Variants in DIAPH2 observed in about 807,000 individuals in gnomAD.
The protein encoded by DIAPH2 is protein diaphanous homolog 2.
Under a neutral mutation model 92.7 loss-of-function variants are expected in DIAPH2, and 35 were observed. That is an observed-to-expected ratio of 0.38 (90% CI 0.29 to 0.50). The LOEUF (loss-of-function observed/expected upper bound fraction) is 0.50, where lower values mean the gene tolerates loss of function less well. Among genes scored for constraint, DIAPH2 ranks in the 20% least tolerant of loss-of-function variants. DIAPH2 has a pLI of 0.94. For missense variants in DIAPH2, 701 were observed against 819.5 expected (o/e 0.86, Z 1.77); for synonymous variants, 301 against 280.4 (o/e 1.07, Z -0.73).
At chrX:97,542,486 G>T (rs2071147535) in intron 26 of DIAPH2, among the ~76,000 whole-genome samples, 1 of 112,331 alleles carries the variant, frequency 8.9e-6, no homozygotes, top group South Asian at 3.7e-4. Flanking sequence ...TATCAACATA[G>T]GTTTGATCAT....
intron 9 of DIAPH2, among the ~76,000 whole-genome samples, chrX:96,926,217 T>C (rs937098341): frequency 1.4e-4 from 16 of 111,497 alleles, no homozygotes; most frequent in African/African-American, 5.2e-4. Flanking sequence ...TTAAAGTCAG[T>C]AAAAGGTTCT....
At chrX:97,494,486 T>C (rs1329045066) in intron 26 of DIAPH2, among the ~76,000 whole-genome samples, 1 of 112,005 alleles carries the variant, frequency 8.9e-6, no homozygotes, top group Non-Finnish European at 1.9e-5. Flanking sequence ...AGATCTCCAT[T>C]TCTTTAGAGT....
intron 4 of DIAPH2, among the ~76,000 whole-genome samples, chrX:96,783,777 T>G (rs1395908001): frequency 8.9e-6 from 1 of 112,206 alleles, no homozygotes; most frequent in East Asian, 2.8e-4. Flanking sequence ...ATTCTGTGGG[T>G]TTTCTGACTG....
In DIAPH2 at chrX:97,065,671, T is replaced by TA. The variant is rs780888502; in HGVS notation, c.2051-7257dup. 2.1e-3 allele frequency among the ~76,000 whole-genome samples: 212 copies of TA among 103,277 alleles called. 1 individual carries two copies. The highest frequency in any genetic ancestry group is 3.8e-3 in the East Asian group (13 of 3,394). The allele number at this position is 103,277 out of a possible 115,157, so 89.7% of individuals were successfully genotyped here. ...TTGTTATTTTAGAGTGTACTCTTGT[T>TA]AAAAAAAAAAAAAGTTAACAGTAAA... On this transcript the variant is annotated intron_variant, in intron 17 of 26. Coordinates refer to ENST00000324765, the MANE Select transcript of DIAPH2 (RefSeq NM_006729.5).
intron 22 of DIAPH2, among the ~76,000 whole-genome samples, chrX:97,203,007 T>G (rs765443198): frequency 8.9e-6 from 1 of 112,044 alleles, no homozygotes; most frequent in African/African-American, 3.3e-5. Context: ...GAACTCAGGA[T>G]TAAGAAACTC....
At chrX:96,983,031 G>C (rs958242989) in intron 17 of DIAPH2, among the ~76,000 whole-genome samples, 4 of 109,649 alleles carry the variant, frequency 3.6e-5, no homozygotes, top group African/African-American at 1.3e-4. Context: ...CCATATTTTG[G>C]GGGGAGTGCG....
At chrX:97,508,077 G>A (rs922027637) in intron 26 of DIAPH2, among the ~76,000 whole-genome samples, 3 of 111,309 alleles carry the variant, frequency 2.7e-5, no homozygotes, top group African/African-American at 9.8e-5. Flanking sequence ...ACACCCATCT[G>A]TCCCCACACC....
At chrX:96,696,174 G>C (rs1272408162) in intron 1 of DIAPH2, among the ~76,000 whole-genome samples, 1 of 111,716 alleles carries the variant, frequency 9.0e-6, no homozygotes, top group Admixed American at 9.5e-5. Context: ...TTGAGCCCAG[G>C]AGGTTGAGGC....
intron 17 of DIAPH2, among the ~76,000 whole-genome samples, chrX:96,974,806 T>C (rs1385844189): frequency 9.0e-6 from 1 of 111,328 alleles, no homozygotes; most frequent in Non-Finnish European, 1.9e-5. Flanking sequence ...AATAATGATA[T>C]TATATAAGAT....
chrX:96,958,369 G>C (rs1004537307), intron 16 of DIAPH2, among the ~76,000 whole-genome samples: 4 of 112,093 alleles, frequency 3.6e-5, no homozygotes, highest in Admixed American at 2.8e-4. Flanking sequence ...AAGTGATGTA[G>C]AGAATAATAT....
At chrX:96,722,490 T>C (rs1373507733) in intron 1 of DIAPH2, among the ~76,000 whole-genome samples, 5 of 111,274 alleles carry the variant, frequency 4.5e-5, no homozygotes, top group Non-Finnish European at 9.4e-5. Flanking sequence ...GCTGCAGCAG[T>C]GTAGGCAAAC....
intron 21 of DIAPH2, among the ~76,000 whole-genome samples, chrX:97,124,151 G>A (rs2067075996): frequency 8.9e-6 from 1 of 111,976 alleles, no homozygotes; most frequent in Non-Finnish European, 1.9e-5. Context: ...TTACAGCAGA[G>A]GGAAAAATAT....
chrX:97,285,383 C>CAAAAAAAAAAAAA (rs11336007), intron 23 of DIAPH2, among the ~76,000 whole-genome samples: 20 of 37,950 alleles, frequency 5.3e-4, no homozygotes, highest in South Asian at 3.6e-3. Flanking sequence ...ACTAAAAATA[C>CAAAAAAAAAAAAA]AAAAAAAAAA....
intron 23 of DIAPH2, among the ~76,000 whole-genome samples, chrX:97,301,025 C>T (rs1289760388): frequency 1.0e-5 from 1 of 95,466 alleles, no homozygotes; most frequent in Non-Finnish European, 2.1e-5. Context: ...AGTAATTGGC[C>T]GGGCGCAGTG....
intron 22 of DIAPH2, among the ~76,000 whole-genome samples, chrX:97,149,355 G>A (rs1453857729): frequency 9.0e-6 from 1 of 111,626 alleles, no homozygotes; most frequent in Non-Finnish European, 1.9e-5. Flanking sequence ...AGCAGCCTGA[G>A]TAAAACTGAG....
intron 17 of DIAPH2, among the ~76,000 whole-genome samples, chrX:97,032,640 T>C (rs987500764): frequency 2.7e-5 from 3 of 110,982 alleles, no homozygotes; most frequent in African/African-American, 9.8e-5. Context: ...TTTACATCTA[T>C]TACTGCTATG....
chrX:96,989,217 A>C (rs1158389121), intron 17 of DIAPH2, among the ~76,000 whole-genome samples: 2 of 111,995 alleles, frequency 1.8e-5, no homozygotes, highest in Non-Finnish European at 3.8e-5. Flanking sequence ...TGGATCATAC[A>C]TATGTTACAA....
chrX:97,406,629 G>C (rs1037213408), intron 25 of DIAPH2, among the ~76,000 whole-genome samples: 1 of 111,715 alleles, frequency 9.0e-6, no homozygotes. Context: ...CCTTTTAAAG[G>C]ATGGGGATAA....
chrX:97,582,764 G>A (rs1391158925), intron 26 of DIAPH2, among the ~76,000 whole-genome samples: 2 of 111,129 alleles, frequency 1.8e-5, no homozygotes, highest in Non-Finnish European at 3.8e-5. Context: ...ATATCCTGCA[G>A]AGTGTTTTCC....
Sources: gnomAD v4.1 joint callset for allele counts (sites outside exome capture counted in the v4.1 genomes callset) on GRCh38, gnomAD v4.1.1 for gene constraint, MANE v1.5 for transcripts, NCBI Gene and HGNC (gene_info 2026-07-23, HGNC 2026-07-21) for gene names.